CSMD1: variants seen among roughly 807,000 people sequenced by gnomAD.
The protein encoded by CSMD1 is CUB and Sushi multiple domains 1.
Under a neutral mutation model 417.5 loss-of-function variants are expected in CSMD1, and 213 were observed. The ratio of observed to expected loss-of-function variants is 0.51; its 90% CI spans 0.46 to 0.57. The LOEUF (loss-of-function observed/expected upper bound fraction) is 0.57. CSMD1 is among the 20% of genes least tolerant of loss of function. The probability of loss-of-function intolerance (pLI) is 0.00; values close to 1 mark genes in which losing one functional copy is unlikely to be tolerated. For synonymous variants in CSMD1, 2,862 were observed against 1,736.8 expected (o/e 1.65, Z -16.11); for missense variants, 6,923 against 4,529.7 (o/e 1.53, Z -15.17).
At chr8:2,962,334 A>C (rs1222023889) in intron 61 of CSMD1, 132 bp downstream of exon 61, 1 of 783,848 alleles carries the variant, frequency 1.3e-6, no homozygotes, top group Admixed American at 2.9e-5. Flanking sequence ...TCAGTGCAAA[A>C]ATTATTACCT....
intron 25 of CSMD1, among the ~76,000 whole-genome samples, chr8:3,291,139 G>C (rs548771282): frequency 6.6e-6 from 1 of 152,066 alleles, no homozygotes; most frequent in Non-Finnish European, 1.5e-5. Flanking sequence ...ATTGATTTTC[G>C]TATGTTGAAG....
chr8:4,085,009 T>C (rs1221644278), intron 3 of CSMD1, among the ~76,000 whole-genome samples: 2 of 149,792 alleles, frequency 1.3e-5, no homozygotes, highest in African/African-American at 4.9e-5. Context: ...GGAATTTAGA[T>C]TTTTCCTTAT....
chr8:4,430,859 C>G (rs1384479590), intron 2 of CSMD1, among the ~76,000 whole-genome samples: 1 of 152,152 alleles, frequency 6.6e-6, no homozygotes, highest in Non-Finnish European at 1.5e-5. Flanking sequence ...GTCCCCTCCA[C>G]TCTTTGCCTT....
intron 6 of CSMD1, among the ~76,000 whole-genome samples, chr8:3,738,213 G>GC: frequency 6.6e-6 from 1 of 152,120 alleles, no homozygotes; most frequent in Non-Finnish European, 1.5e-5. Context: ...ATTATATGAA[G>GC]TAGTGAATTT....
intron 3 of CSMD1, among the ~76,000 whole-genome samples, chr8:4,065,580 G>T (rs1274861844): frequency 6.6e-6 from 1 of 151,928 alleles, no homozygotes; most frequent in Non-Finnish European, 1.5e-5. Context: ...GCTAAAAGAT[G>T]TATTCTTGCT....
intron 3 of CSMD1, among the ~76,000 whole-genome samples, chr8:4,252,194 A>T (rs1803127377): frequency 6.6e-6 from 1 of 152,174 alleles, no homozygotes; most frequent in South Asian, 2.1e-4. Context: ...TGGATAAAAA[A>T]GCTTAAAACA....
At chr8:2,966,435 T>A in intron 58 of CSMD1, 135 bp downstream of exon 58, 1 of 774,758 alleles carries the variant, frequency 1.3e-6, no homozygotes, top group Non-Finnish European at 2.0e-6. Context: ...AGCCACAATG[T>A]CACACATAGT....
At chr8:4,157,536 C>G (rs1796902033) in intron 3 of CSMD1, among the ~76,000 whole-genome samples, 2 of 152,136 alleles carry the variant, frequency 1.3e-5, no homozygotes, top group Admixed American at 1.3e-4. Context: ...CTCTAGCTAC[C>G]TCTAGTCAAT....
At chr8:3,127,209 C>G (rs1467886875) in intron 41 of CSMD1, among the ~76,000 whole-genome samples, 1 of 152,110 alleles carries the variant, frequency 6.6e-6, no homozygotes, top group Non-Finnish European at 1.5e-5. Context: ...TTTGGGGTCA[C>G]TGTTGGAAGC....
At chr8:4,402,592 T>A (rs961984210) in intron 3 of CSMD1, among the ~76,000 whole-genome samples, 3 of 152,154 alleles carry the variant, frequency 2.0e-5, no homozygotes, top group African/African-American at 7.2e-5. Context: ...GAAGATGCTT[T>A]GAATATTACA....
At chr8:3,136,516 C>A (rs1005539193) in intron 41 of CSMD1, among the ~76,000 whole-genome samples, 1 of 152,206 alleles carries the variant, frequency 6.6e-6, no homozygotes, top group East Asian at 1.9e-4. Flanking sequence ...CTACCCACCT[C>A]GGCCTCCCAA....
intron 62 of CSMD1, among the ~76,000 whole-genome samples, chr8:2,960,937 A>AAG (rs1182055834): frequency 4.0e-5 from 3 of 74,330 alleles, no homozygotes; most frequent in South Asian, 4.6e-4. Flanking sequence ...TCTAGTAAGC[A>AAG]AGATATATAT....
intron 5 of CSMD1, among the ~76,000 whole-genome samples, chr8:3,873,607 G>A (rs754800589): frequency 6.6e-6 from 1 of 151,960 alleles, no homozygotes. Flanking sequence ...ATGGGTACTC[G>A]GCATAATACC....
chr8:3,465,275 G>A (rs1816733544), intron 12 of CSMD1, among the ~76,000 whole-genome samples: 2 of 152,158 alleles, frequency 1.3e-5, no homozygotes, highest in African/African-American at 4.8e-5. Context: ...TCTGAAAAAT[G>A]CTCCTAAAAG....
chr8:4,448,843 A>G (rs988108399), intron 2 of CSMD1, among the ~76,000 whole-genome samples: 6 of 151,706 alleles, frequency 4.0e-5, no homozygotes, highest in African/African-American at 7.3e-5. Context: ...TAATTTCTCT[A>G]TCTTCTTTCT....
intron 1 of CSMD1, among the ~76,000 whole-genome samples, chr8:4,823,274 T>G (rs767592000): frequency 7.8e-4 from 118 of 152,092 alleles, no homozygotes; most frequent in Non-Finnish European, 9.7e-4. Flanking sequence ...TTGAAACTCT[T>G]GGAATTAAAA....
At chr8:4,261,132 C>T (rs1325307575) in intron 3 of CSMD1, among the ~76,000 whole-genome samples, 1 of 152,108 alleles carries the variant, frequency 6.6e-6, no homozygotes, top group Non-Finnish European at 1.5e-5. Context: ...TTGTTAGACT[C>T]TTTTTTCTCC....
chr8:4,059,319 A>C (rs574939798), intron 3 of CSMD1, among the ~76,000 whole-genome samples: 2 of 84,316 alleles, frequency 2.4e-5, no homozygotes, highest in Non-Finnish European at 6.0e-5. Context: ...TTATAGCACT[A>C]AATGTCCACA....
intron 1 of CSMD1, among the ~76,000 whole-genome samples, chr8:4,986,010 A>G (rs1386003371): frequency 6.6e-6 from 1 of 152,198 alleles, no homozygotes; most frequent in Non-Finnish European, 1.5e-5. Flanking sequence ...TGAAGTGCCG[A>G]TCATACTCTG....
Sources: allele counts gnomAD v4.1 joint callset (sites outside exome capture counted in the v4.1 genomes callset), GRCh38; gene constraint gnomAD v4.1.1; transcripts MANE v1.5; gene names NCBI Gene and HGNC (gene_info 2026-07-23, HGNC 2026-07-21).